Variants in HMGCLL1 observed in about 807,000 individuals in gnomAD.
HMGCLL1 encodes the protein 3-hydroxy-3-methylglutaryl-CoA lyase like 1, also known as 3-hydroxymethyl-3-methylglutaryl-CoA lyase, cytoplasmic.
In HMGCLL1, 36 loss-of-function variants were observed where a neutral mutation model predicts 39.1. That is an observed-to-expected ratio of 0.92 (90% CI 0.71 to 1.22). The LOEUF is 1.22. HMGCLL1 is among the 50% of genes most tolerant of loss of function. HMGCLL1 has a pLI of 0.00. For synonymous variants in HMGCLL1, 149 were observed against 144.0 expected, an observed-to-expected ratio of 1.03 and a Z score of -0.25; for missense variants, 451 against 416.5, an observed-to-expected ratio of 1.08 and a Z score of -0.72.
At chr6:55,467,684 T>C (rs1011472589) in intron 7 of HMGCLL1, among the ~76,000 whole-genome samples, 3 of 152,006 alleles carry the variant, frequency 2.0e-5, no homozygotes, top group Non-Finnish European at 2.9e-5. Flanking sequence ...CATTGGGATA[T>C]AAAAAATGGA....
chr6:55,668,322 G>A, the HMGCLL1 span, among the ~76,000 whole-genome samples: 5 of 151,812 alleles, frequency 3.3e-5, no homozygotes, highest in Non-Finnish European at 7.4e-5. Flanking sequence ...ATAGCCTTCC[G>A]GCTAGTTCTT....
chr6:55,670,117 T>C, the HMGCLL1 span, among the ~76,000 whole-genome samples: 4 of 151,694 alleles, frequency 2.6e-5, no homozygotes, highest in Non-Finnish European at 5.9e-5. Context: ...AAAAGACACA[T>C]GACCCTATAG....
chr6:55,555,629 A>C (rs1770611252), intron 1 of HMGCLL1, among the ~76,000 whole-genome samples: 1 of 152,230 alleles, frequency 6.6e-6, no homozygotes. Flanking sequence ...GATTTCAAAG[A>C]AGCGATGAAC....
chr6:55,501,453 A>ACAGAAAAAGG (rs1331147884), intron 5 of HMGCLL1, among the ~76,000 whole-genome samples: 1 of 151,874 alleles, frequency 6.6e-6, no homozygotes, highest in Non-Finnish European at 1.5e-5. Context: ...CTGGAACTTT[A>ACAGAAAAAGG]CAGAAAAAGG....
intron 7 of HMGCLL1, among the ~76,000 whole-genome samples, chr6:55,464,796 G>A (rs917694004): frequency 6.6e-6 from 1 of 152,114 alleles, no homozygotes; most frequent in Non-Finnish European, 1.5e-5. Flanking sequence ...GATAGAATCA[G>A]TCCTGGAGGC....
intron 4 of HMGCLL1, among the ~76,000 whole-genome samples, chr6:55,515,899 G>A (rs1256486121): frequency 6.6e-6 from 1 of 151,932 alleles, no homozygotes; most frequent in African/African-American, 2.4e-5. Flanking sequence ...AGAAATAGCT[G>A]CTGCAAAACC....
intron 7 of HMGCLL1, among the ~76,000 whole-genome samples, chr6:55,469,214 T>G (rs1449759446): frequency 6.6e-6 from 1 of 150,770 alleles, no homozygotes; most frequent in Non-Finnish European, 1.5e-5. Context: ...TAGAGACAGC[T>G]TCTATAATTT....
the HMGCLL1 span, among the ~76,000 whole-genome samples, chr6:55,588,362 A>C: frequency 5.3e-5 from 8 of 152,076 alleles, no homozygotes; most frequent in African/African-American, 1.9e-4. Flanking sequence ...CCATCGAGAA[A>C]AAAGACACAA....
At chr6:55,531,500 G>T (rs773769257) in intron 3 of HMGCLL1, among the ~76,000 whole-genome samples, 12 of 152,066 alleles carry the variant, frequency 7.9e-5, no homozygotes, top group African/African-American at 1.7e-4. Flanking sequence ...GCTTTGAAAG[G>T]TTTTTTTCTC....
intron 3 of HMGCLL1, among the ~76,000 whole-genome samples, chr6:55,524,289 T>A (rs9791360): frequency 0.68 from 102,874 of 151,192 alleles, 35,107 homozygotes; most frequent in Admixed American, 0.72. Flanking sequence ...GTATTATGAA[T>A]TAACCTCAGA....
At chr6:55,555,319 C>G (rs984964151) in intron 1 of HMGCLL1, among the ~76,000 whole-genome samples, 11 of 151,290 alleles carry the variant, frequency 7.3e-5, no homozygotes, top group Non-Finnish European at 1.6e-4. Context: ...CTTAAAAATA[C>G]TCCATAAAAT....
At chr6:55,623,169 G>T in the HMGCLL1 span, among the ~76,000 whole-genome samples, 1,228 of 151,802 alleles carry the variant, frequency 8.1e-3, 63 homozygotes, top group East Asian at 0.1. Context: ...ACTAAAATTT[G>T]TCAGTTTTCT....
the HMGCLL1 span, among the ~76,000 whole-genome samples, chr6:55,590,084 C>T: frequency 2.0e-5 from 3 of 151,980 alleles, no homozygotes; most frequent in African/African-American, 4.8e-5. Context: ...AAAAAGAACC[C>T]GCATTGCCAA....
chr6:55,540,043 AGGGAG>A (rs1769327739), intron 3 of HMGCLL1, among the ~76,000 whole-genome samples: 2 of 24,348 alleles, frequency 8.2e-5, no homozygotes, highest in Non-Finnish European at 1.5e-4. Flanking sequence ...GGAGGGAGGG[AGGGAG>A]GGAAGGAAGC....
chr6:55,623,670 CAT>C, the HMGCLL1 span, among the ~76,000 whole-genome samples: 1 of 148,700 alleles, frequency 6.7e-6, no homozygotes, highest in African/African-American at 2.5e-5. Flanking sequence ...TATACACAAA[CAT>C]ATTATATATA....
At chr6:55,668,692 T>C in the HMGCLL1 span, among the ~76,000 whole-genome samples, 2 of 151,856 alleles carry the variant, frequency 1.3e-5, no homozygotes, top group Non-Finnish European at 2.9e-5. Flanking sequence ...GTGAACATTG[T>C]GTTAAAGAGC....
upstream of HMGCLL1, among the ~76,000 whole-genome samples, chr6:55,580,249 A>G (rs991525654): frequency 6.6e-6 from 1 of 152,108 alleles, no homozygotes; most frequent in African/African-American, 2.4e-5. Flanking sequence ...TTCCACAGGT[A>G]ATAAAAATAA....
chr6:55,602,800 A>G, the HMGCLL1 span, among the ~76,000 whole-genome samples: 4 of 152,126 alleles, frequency 2.6e-5, no homozygotes. Flanking sequence ...TCTAAACTGC[A>G]TGTGATTTAA....
the HMGCLL1 span, among the ~76,000 whole-genome samples, chr6:55,676,622 G>C: frequency 6.6e-6 from 1 of 152,256 alleles, no homozygotes; most frequent in South Asian, 2.1e-4. Flanking sequence ...AGCATCCCAT[G>C]CTGAGCATAT....
Sources: gnomAD v4.1 joint callset for allele counts (sites outside exome capture counted in the v4.1 genomes callset) on GRCh38, gnomAD v4.1.1 for gene constraint, MANE v1.5 for transcripts, NCBI Gene and HGNC (gene_info 2026-07-23, HGNC 2026-07-21) for gene names.